Variants in DSCAM observed in about 807,000 individuals in gnomAD.
DSCAM encodes DS cell adhesion molecule.
DSCAM carries 47 observed loss-of-function variants against 217.7 expected under a neutral mutation model. The ratio of observed to expected loss-of-function variants is 0.22; its 90% confidence interval spans 0.17 to 0.28. The LOEUF is 0.28. Among genes scored for constraint, DSCAM ranks in the 10% least tolerant of loss-of-function variants. The probability of loss-of-function intolerance (pLI) is 1.00; values close to 1 mark genes in which losing one functional copy is unlikely to be tolerated. For synonymous variants in DSCAM, 1,056 were observed against 1,015.3 expected (o/e 1.04, Z -0.76); for missense variants, 2,080 against 2,618.3 (o/e 0.79, Z 4.49).
chr21:40,385,762 A>T (rs2075078248), intron 3 of DSCAM, among the ~76,000 whole-genome samples: 1 of 152,196 alleles, frequency 6.6e-6, no homozygotes, highest in Admixed American at 6.5e-5. Context: ...AGCTCTTTGC[A>T]ATGCTTTGTC....
intron 8 of DSCAM, among the ~76,000 whole-genome samples, chr21:40,333,845 A>T (rs2074402006): frequency 6.6e-6 from 1 of 152,028 alleles, no homozygotes. Flanking sequence ...GTACCACATC[A>T]CACCTAGGCC....
intron 11 of DSCAM, among the ~76,000 whole-genome samples, chr21:40,208,938 C>T (rs945843062): frequency 8.5e-5 from 13 of 152,176 alleles, no homozygotes; most frequent in African/African-American, 3.1e-4. Context: ...TCAAAACAAA[C>T]AGCCCCTCAA....
intron 3 of DSCAM, among the ~76,000 whole-genome samples, chr21:40,671,432 T>A (rs1601837767): frequency 6.6e-6 from 1 of 152,188 alleles, no homozygotes. Flanking sequence ...TCCCAGCAGT[T>A]TGGGAGGCTG....
intron 3 of DSCAM, among the ~76,000 whole-genome samples, chr21:40,409,091 C>G (rs1242855460): frequency 2.6e-5 from 4 of 152,026 alleles, no homozygotes; most frequent in Non-Finnish European, 4.4e-5. Flanking sequence ...ATTTAAATAC[C>G]TAAGGGTGTA....
intron 10 of DSCAM, among the ~76,000 whole-genome samples, chr21:40,277,756 GCTA>G (rs2073707013): frequency 6.7e-6 from 1 of 149,458 alleles, no homozygotes; most frequent in Non-Finnish European, 1.5e-5. Flanking sequence ...GCTAATCCCA[GCTA>G]CTTGAGAGGC....
intron 3 of DSCAM, among the ~76,000 whole-genome samples, chr21:40,381,315 G>T (rs923903142): frequency 6.6e-6 from 1 of 152,128 alleles, no homozygotes; most frequent in African/African-American, 2.4e-5. Context: ...GGAAGGAAGA[G>T]AATGCTATTG....
At chr21:40,064,778 G>T (rs2146524061) in intron 27 of DSCAM, among the ~76,000 whole-genome samples, 1 of 152,282 alleles carries the variant, frequency 6.6e-6, no homozygotes, top group Admixed American at 6.5e-5. Flanking sequence ...TTGCCAGGAT[G>T]GTGGTCTGGT....
intron 3 of DSCAM, among the ~76,000 whole-genome samples, chr21:40,492,550 T>G (rs953621842): frequency 1.2e-4 from 18 of 152,220 alleles, no homozygotes; most frequent in African/African-American, 4.3e-4. Flanking sequence ...TGACATTTTT[T>G]TTTAAAAGCA....
rs78581091 is a variant in DSCAM, at chr21:40,191,067, G to A, written c.2357-1829C>T. Among the ~76,000 whole-genome samples the A allele has an allele frequency of 1.2e-4, 18 of 152,226 alleles. No individual in the cohort carries two copies. The East Asian group carries it at 2.3e-3, about 20-fold the overall frequency. Reference sequence around the variant, plus strand: ...ATTTCTGAGGTCAAGCTCAGACTACGTACTTGATTGCTTGCCTCGTAAGAC... The same window carrying A: ...ATTTCTGAGGTCAAGCTCAGACTACATACTTGATTGCTTGCCTCGTAAGAC... On this transcript the variant is annotated intron_variant, in intron 11 of 32. Coordinates refer to ENST00000400454, the MANE Select transcript of DSCAM (RefSeq NM_001389.5).
In DSCAM at chr21:40,835,784, C is replaced by T. The variant is rs547000255; in HGVS notation, c.43+10835G>A. Among the ~76,000 whole-genome samples the T allele has an allele frequency of 7.9e-5, 12 of 152,226 alleles. No homozygotes were observed. The East Asian group carries it at 9.6e-4, about 12-fold the overall frequency. On this transcript the variant is annotated intron_variant, in intron 1 of 32. Coordinates refer to ENST00000400454, the MANE Select transcript of DSCAM (RefSeq NM_001389.5). ...TATTTTAGTGCCAAAATCAAGGACACGATGTTTTGAAAAAATTAATCTGCC... is the reference window on the plus strand; with the variant it reads ...TATTTTAGTGCCAAAATCAAGGACATGATGTTTTGAAAAAATTAATCTGCC...
At chr21:40,638,165 T>A in intron 3 of DSCAM, among the ~76,000 whole-genome samples, 1 of 152,210 alleles carries the variant, frequency 6.6e-6, no homozygotes, top group East Asian at 1.9e-4. Context: ...TCTTAATCTT[T>A]GATTTGTAAT....
At chr21:40,808,121 G>A (rs982443538) in intron 1 of DSCAM, among the ~76,000 whole-genome samples, 10 of 152,140 alleles carry the variant, frequency 6.6e-5, no homozygotes, top group African/African-American at 2.2e-4. Flanking sequence ...TGTTGCTGGA[G>A]CCCAACTCAA....
chr21:40,550,814 A>C (rs1475216316), intron 3 of DSCAM, among the ~76,000 whole-genome samples: 1 of 152,214 alleles, frequency 6.6e-6, no homozygotes, highest in Non-Finnish European at 1.5e-5. Context: ...TTATGGACAG[A>C]AAAAGGAAAG....
chr21:40,699,696 C>A (rs1228306963), intron 2 of DSCAM, among the ~76,000 whole-genome samples: 1 of 152,136 alleles, frequency 6.6e-6, no homozygotes, highest in Non-Finnish European at 1.5e-5. Flanking sequence ...CAAACTAAGT[C>A]CTTAGCTCTC....
At chr21:40,141,195 G>A (rs980296076) in intron 18 of DSCAM, among the ~76,000 whole-genome samples, 1 of 152,232 alleles carries the variant, frequency 6.6e-6, no homozygotes, top group Non-Finnish European at 1.5e-5. Flanking sequence ...CCTGCATGGG[G>A]ACAGGGGTCT....
intron 3 of DSCAM, among the ~76,000 whole-genome samples, chr21:40,688,739 G>C (rs2090509696): frequency 6.6e-6 from 1 of 152,186 alleles, no homozygotes; most frequent in Non-Finnish European, 1.5e-5. Flanking sequence ...GGGTCACCCT[G>C]TAAGGCCCCA....
intron 19 of DSCAM, among the ~76,000 whole-genome samples, chr21:40,132,185 G>A (rs1433659641): frequency 6.6e-6 from 1 of 152,112 alleles, no homozygotes; most frequent in East Asian, 1.9e-4. Context: ...TGAGGGTCAG[G>A]AAGCATCCCA....
intron 1 of DSCAM, among the ~76,000 whole-genome samples, chr21:40,811,864 G>A (rs1398355140): frequency 6.6e-6 from 1 of 152,218 alleles, no homozygotes; most frequent in Admixed American, 6.5e-5. Flanking sequence ...GGGACCACTG[G>A]AAGTCAACTT....
At chr21:40,376,653 T>C (rs1393055987) in intron 3 of DSCAM, among the ~76,000 whole-genome samples, 1 of 145,554 alleles carries the variant, frequency 6.9e-6, no homozygotes, top group Non-Finnish European at 1.5e-5. Flanking sequence ...GATATCGATA[T>C]CTATATATCT....
Sources: allele counts gnomAD v4.1 joint callset (sites outside exome capture counted in the v4.1 genomes callset), GRCh38; gene constraint gnomAD v4.1.1; transcripts MANE v1.5; gene names NCBI Gene and HGNC (gene_info 2026-07-23, HGNC 2026-07-21).